DDR2: variants seen among roughly 807,000 people sequenced by gnomAD.
DDR2 encodes discoidin domain receptor tyrosine kinase 2, also known as discoidin domain-containing receptor 2.
DDR2 carries 27 observed loss-of-function variants against 94.9 expected under a neutral mutation model. The observed-to-expected ratio is 0.28, with a 90% CI of 0.21 to 0.39. The LOEUF (loss-of-function observed/expected upper bound fraction) is 0.39, where lower values mean the gene tolerates loss of function less well. DDR2 is among the 10% of genes least tolerant of loss of function. The probability of loss-of-function intolerance (pLI) is 1.00; values close to 1 mark genes in which losing one functional copy is unlikely to be tolerated. For synonymous variants in DDR2, 382 were observed against 377.2 expected (o/e 1.01, Z -0.15); for missense variants, 783 against 1,076.0 (o/e 0.73, Z 3.81).
chr1:162,633,524 A>G (rs1656661030), intron 1 of DDR2, among the ~76,000 whole-genome samples: 1 of 152,212 alleles, frequency 6.6e-6, no homozygotes, highest in Non-Finnish European at 1.5e-5. Context: ...GTAAAAAATG[A>G]TAGGAAGGGG....
At chr1:162,655,062 C>T (rs377545624) in intron 1 of DDR2, 149 bp from the exon 2 acceptor site, 8 of 152,200 alleles carry the variant, frequency 5.3e-5, no homozygotes, top group African/African-American at 1.7e-4. Context: ...AACATCCCTC[C>T]GAGATCCTCT....
intron 2 of DDR2, among the ~76,000 whole-genome samples, chr1:162,660,065 A>G (rs1256445567): frequency 1.3e-5 from 2 of 152,168 alleles, no homozygotes; most frequent in Non-Finnish European, 2.9e-5. Flanking sequence ...GAACTTGCTC[A>G]AACTTCCTGT....
chr1:162,702,601 A>AT (rs1448519779), intron 2 of DDR2, among the ~76,000 whole-genome samples: 1 of 152,174 alleles, frequency 6.6e-6, no homozygotes, highest in Non-Finnish European at 1.5e-5. Context: ...ATGTCACCCT[A>AT]TTTCAACCTC....
intron 2 of DDR2, among the ~76,000 whole-genome samples, chr1:162,668,011 G>A (rs1658664683): frequency 6.6e-6 from 1 of 152,194 alleles, no homozygotes. Context: ...AATGGATAAA[G>A]TGAGGTAGGG....
intron 2 of DDR2, among the ~76,000 whole-genome samples, chr1:162,714,124 T>C (rs1661045570): frequency 6.6e-6 from 1 of 152,188 alleles, no homozygotes; most frequent in African/African-American, 2.4e-5. Flanking sequence ...TTTTATTTAC[T>C]TGGCCCATTT....
intron 2 of DDR2, among the ~76,000 whole-genome samples, chr1:162,679,707 G>A (rs575134154): frequency 6.6e-6 from 1 of 152,166 alleles, no homozygotes; most frequent in Non-Finnish European, 1.5e-5. Flanking sequence ...AGTTCTTTGA[G>A]GAATCACCAC....
At chr1:162,669,283 C>T (rs539391785) in intron 2 of DDR2, among the ~76,000 whole-genome samples, 111 of 152,124 alleles carry the variant, frequency 7.3e-4, no homozygotes, top group African/African-American at 2.5e-3. Flanking sequence ...ATTCACCAAC[C>T]GGGGAAAAAC....
chr1:162,668,116 C>CTCAGCTATCAAGA (rs1658671079), intron 2 of DDR2, among the ~76,000 whole-genome samples: 1 of 152,044 alleles, frequency 6.6e-6, no homozygotes, highest in Non-Finnish European at 1.5e-5. Context: ...ATGCCAAAAA[C>CTCAGCTATCAAGA]TCAGCTATCA....
chr1:162,748,058 A>G (rs1187480757), intron 3 of DDR2, among the ~76,000 whole-genome samples: 1 of 152,264 alleles, frequency 6.6e-6, no homozygotes, highest in African/African-American at 2.4e-5. Context: ...GCCAAATTGT[A>G]AACACCATCG....
At chr1:162,733,437 A>G (rs1289643596) in intron 3 of DDR2, among the ~76,000 whole-genome samples, 1 of 152,230 alleles carries the variant, frequency 6.6e-6, no homozygotes, top group East Asian at 1.9e-4. Flanking sequence ...GAGAAAGGTC[A>G]TCCAAGATCA....
chr1:162,713,790 G>A (rs1374817823), intron 2 of DDR2, among the ~76,000 whole-genome samples: 1 of 151,996 alleles, frequency 6.6e-6, no homozygotes, highest in African/African-American at 2.4e-5. Context: ...AAAATATATT[G>A]CAAAGCACTT....
chr1:162,774,791 G>A (rs1472551604), intron 14 of DDR2, among the ~76,000 whole-genome samples: 5 of 152,148 alleles, frequency 3.3e-5, no homozygotes, highest in Non-Finnish European at 7.3e-5. Flanking sequence ...CCAAGCCATG[G>A]AAACCCCTGG....
At chr1:162,741,736 G>A (rs970230423) in intron 3 of DDR2, 5 of 985,268 alleles carry the variant, frequency 5.1e-6, no homozygotes, top group Non-Finnish European at 6.0e-6. Flanking sequence ...TACATTATTA[G>A]TAGCTGGGCT....
At chr1:162,703,031 T>A (rs1162114540) in intron 2 of DDR2, among the ~76,000 whole-genome samples, 3 of 152,228 alleles carry the variant, frequency 2.0e-5, no homozygotes, top group Non-Finnish European at 4.4e-5. Flanking sequence ...CAAGCCATCC[T>A]TTCCTTTTGG....
At chr1:162,763,203 C>T (rs112328716) in intron 9 of DDR2, among the ~76,000 whole-genome samples, 17,793 of 148,854 alleles carry the variant, frequency 0.12, 1,361 homozygotes, top group Admixed American at 0.23. Flanking sequence ...TTTTTTGAGA[C>T]GGTATCTTGC....
intron 7 of DDR2, among the ~76,000 whole-genome samples, chr1:162,756,364 A>G (rs1298675802): frequency 6.6e-6 from 1 of 152,206 alleles, no homozygotes; most frequent in Non-Finnish European, 1.5e-5. Flanking sequence ...GAAGAACAGA[A>G]TGGAACAATG....
intron 2 of DDR2, among the ~76,000 whole-genome samples, chr1:162,690,013 CAAA>C (rs143775652): frequency 2.9e-5 from 3 of 103,160 alleles, no homozygotes. Context: ...AAGACAATGT[CAAA>C]AAAAAAAAAA....
intron 1 of DDR2, among the ~76,000 whole-genome samples, chr1:162,646,875 T>A (rs1657437540): frequency 6.6e-6 from 1 of 152,232 alleles, no homozygotes; most frequent in South Asian, 2.1e-4. Flanking sequence ...CTGTTGCAGG[T>A]GTCTGTCTGA....
chr1:162,715,079 A>C (rs1331817949), intron 2 of DDR2, among the ~76,000 whole-genome samples: 1 of 152,190 alleles, frequency 6.6e-6, no homozygotes, highest in Non-Finnish European at 1.5e-5. Context: ...GAAAAGGGTG[A>C]TTCTGCTCAC....
Sources: gnomAD v4.1 joint callset for allele counts (sites outside exome capture counted in the v4.1 genomes callset) on GRCh38, gnomAD v4.1.1 for gene constraint, MANE v1.5 for transcripts, NCBI Gene and HGNC (gene_info 2026-07-23, HGNC 2026-07-21) for gene names.